Variants in RYR3 observed in about 807,000 individuals in gnomAD.
RYR3 encodes the protein brain ryanodine receptor-calcium release channel.
RYR3 carries 207 observed loss-of-function variants against 584.3 expected under a neutral mutation model. The observed-to-expected ratio is 0.35, with a 90% CI of 0.32 to 0.40. RYR3 has a LOEUF of 0.40. RYR3 is among the 10% of genes least tolerant of loss of function. The pLI is 1.00. For synonymous variants in RYR3, 2,416 were observed against 2,248.5 expected (o/e 1.07, Z -2.11); for missense variants, 5,616 against 6,089.2 (o/e 0.92, Z 2.59).
At chr15:33,663,454 CAG>C in intron 35 of RYR3, 81 bp from the exon 36 acceptor site, 2 of 1,172,588 alleles carry the variant, frequency 1.7e-6, no homozygotes, top group Non-Finnish European at 2.5e-6. Context: ...GTCTAAGTCT[CAG>C]TGCTACTGTC....
At chr15:33,650,572 C>T (rs2062407210) in intron 31 of RYR3, among the ~76,000 whole-genome samples, 1 of 152,054 alleles carries the variant, frequency 6.6e-6, no homozygotes. Context: ...AGGACAGTGC[C>T]TCAACTCAGG....
intron 94 of RYR3, 57 bp downstream of exon 94, chr15:33,848,478 G>C: frequency 1.3e-6 from 2 of 1,543,500 alleles, no homozygotes; most frequent in Non-Finnish European, 1.7e-6. Flanking sequence ...TGTAAATAGA[G>C]TAACTCTTTC....
intron 1 of RYR3, among the ~76,000 whole-genome samples, chr15:33,419,007 AAG>A (rs2044032397): frequency 6.6e-6 from 1 of 152,172 alleles, no homozygotes; most frequent in South Asian, 2.1e-4. Flanking sequence ...TGGGAGGACA[AAG>A]AGGTGTGGTA....
In RYR3 at chr15:33,450,798, C is replaced by T. The variant is rs139549898; in HGVS notation, c.52-22621C>T. 4.0e-4 allele frequency among the ~76,000 whole-genome samples: 61 copies of T among 152,204 alleles called. 1 individual carries two copies. In the East Asian group the frequency reaches 0.011, roughly 27 times the overall value. On this transcript the variant is annotated intron_variant, in intron 1 of 103. Coordinates refer to ENST00000634891, the MANE Select transcript of RYR3 (RefSeq NM_001036.6). ...AAAAGGGGAGCTTCTAAAACATGTGCGCAAACCACAGGAAACAGTGCAATC... is the reference window on the plus strand; with the variant it reads ...AAAAGGGGAGCTTCTAAAACATGTGTGCAAACCACAGGAAACAGTGCAATC...
chr15:33,749,608 T>G (rs1258847816), intron 55 of RYR3, among the ~76,000 whole-genome samples: 2 of 152,182 alleles, frequency 1.3e-5, no homozygotes, highest in Non-Finnish European at 2.9e-5. Flanking sequence ...GGTTCTAGAC[T>G]TTTCTTGGCC....
chr15:33,634,702 G>A lies in RYR3; in HGVS notation c.3144G>A (p.Gly1048=), dbSNP rs2291733. The A allele has an allele frequency of 1.2e-5, 19 of 1,613,828 alleles. No homozygotes were observed. The East Asian group carries it at 3.6e-4, about 30-fold the overall frequency. The part of the protein sequence containing the change: ...REAVRTFVGY[G]YNIEPSDQEL... ...CTGTGCGCACTTTTGTTGGTTACGG[G>A]TATAACATTGAGCCATCAGACCAAG... Residue 1048 remains glycine, a synonymous_variant, in exon 25 of 104, where the codon GGG becomes GGA. Coordinates refer to ENST00000634891, the MANE Select transcript of RYR3 (RefSeq NM_001036.6).
Position 33,724,284 on chromosome 15 carries a change from C to T in RYR3, c.6912+108C>T, listed in dbSNP as rs186300937. The T allele has an allele frequency of 3.1e-5, 20 of 654,052 alleles. No homozygotes were observed. In the African/African-American group the frequency reaches 3.5e-4, roughly 11 times the overall value. 40.5% of individuals were successfully genotyped at this position (654,052 alleles called of 1,614,324 possible). A position where few individuals can be genotyped will look rare whatever the true frequency, so the allele number is the denominator to read the frequency against. On this transcript the variant is annotated intron_variant, in intron 45 of 103. Coordinates refer to ENST00000634891, the MANE Select transcript of RYR3 (RefSeq NM_001036.6). ...CTGTCTCTGGCATTTGCTAACATGC[C>T]TTTTTCTAGGTCCCTTTTAGCTAGT...
intron 10 of RYR3, among the ~76,000 whole-genome samples, chr15:33,557,654 A>G (rs1479719698): frequency 1.3e-5 from 2 of 152,106 alleles, no homozygotes; most frequent in African/African-American, 4.8e-5. Flanking sequence ...AAGTGCTGGG[A>G]TTACAGGCAT....
chr15:33,572,928 C>G (rs951292723), intron 12 of RYR3, among the ~76,000 whole-genome samples: 68 of 152,188 alleles, frequency 4.5e-4, no homozygotes, highest in African/African-American at 1.6e-3. Context: ...GAGCCAAGAT[C>G]GTGCCGTTGC....
At chr15:33,635,219 A>G (rs192419368) in intron 25 of RYR3, among the ~76,000 whole-genome samples, 134 of 152,316 alleles carry the variant, frequency 8.8e-4, no homozygotes, top group African/African-American at 3.0e-3. Context: ...TAAGTCATTA[A>G]GGGGATGGTT....
chr15:33,857,845 C>A lies in RYR3; in HGVS notation c.14073C>A (p.Phe4691Leu), dbSNP rs2079855405. ...TCTATACTGTGGTGGCTTTCAACTT[C>A]TTCCGCAAGTTCTACAACAAAAGCG... ...VYLYTVVAFNFFRKFYNKSED... is the reference protein window; with the variant it reads ...VYLYTVVAFNLFRKFYNKSED... The change falls in exon 99 of 104, where the codon TTC becomes TTA. Residue 4691 changes from phenylalanine (F) to leucine (L), a missense_variant. Phe to Leu is a conservative substitution (Grantham distance 22). Around this residue, in one of 9 missense-constraint regions of RYR3, gnomAD observed 918 missense variants for 887.4 expected, o/e 1.03. Transcript: ENST00000634891. 4 of 1,614,192 alleles carry A rather than the reference C, an allele frequency of 2.5e-6. No individual in the cohort carries two copies. Among genetic ancestry groups the A allele is most frequent in the Non-Finnish European group, 3.4e-6 (4 of 1,180,036 alleles).
intron 1 of RYR3, among the ~76,000 whole-genome samples, chr15:33,359,166 C>G (rs1300807516): frequency 6.6e-6 from 1 of 152,164 alleles, no homozygotes; most frequent in Non-Finnish European, 1.5e-5. Context: ...CCCACTTCCA[C>G]CTCTTCTCTT....
chr15:33,848,826 CTTTTTT>C lies in RYR3; in HGVS notation c.13628+427_13628+432del, dbSNP rs769204969. Among the ~76,000 whole-genome samples, 523 of 75,198 alleles carry C rather than the reference CTTTTTT, an allele frequency of 7.0e-3. 1 individual carries two copies. The highest frequency in any genetic ancestry group is 0.03 in the African/African-American group (489 of 16,364). 49.3% of individuals were successfully genotyped at this position (75,198 alleles called of 152,430 possible). On this transcript the variant is annotated intron_variant, in intron 94 of 103. Coordinates refer to ENST00000634891, the MANE Select transcript of RYR3 (RefSeq NM_001036.6). ...CTATAACTGCCATCTCTGAAGTCCT[CTTTTTT>C]TTTTTTTTTTTTTTTTTTTTTGAGA... is the stretch of plus-strand genomic sequence containing the variant.
intron 49 of RYR3, among the ~76,000 whole-genome samples, chr15:33,737,565 C>T (rs1006519222): frequency 6.6e-6 from 1 of 152,196 alleles, no homozygotes; most frequent in Non-Finnish European, 1.5e-5. Flanking sequence ...TTAGTTCAAT[C>T]CCCTGTCTTC....
Position 33,662,962 on chromosome 15 carries a change from G to A in RYR3, c.5418+14G>A, listed in dbSNP as rs760642188. 6.2e-7 allele frequency: 1 copy of A among 1,604,744 alleles called. No individual in the cohort carries two copies. Among genetic ancestry groups the A allele is most frequent in the East Asian group, 2.2e-5 (1 of 44,814 alleles). ...GTCAAGCTGCAGGTAAGCTGCAGGT[G>A]GTTAAGTGGAGGCAGGTTAATAGAT... On this transcript the variant is annotated intron_variant, in intron 35 of 103. Transcript: ENST00000634891.
chr15:33,792,061 A>G lies in RYR3; in HGVS notation c.9830+3603A>G, dbSNP rs117580560. ...GAAGAAATCAACAGACTGAAAGGCCATGGAGCTGGAAAATCATAAACACAT... is the reference window on the plus strand; with the variant it reads ...GAAGAAATCAACAGACTGAAAGGCCGTGGAGCTGGAAAATCATAAACACAT... On this transcript the variant is annotated intron_variant, in intron 67 of 103. Coordinates refer to ENST00000634891, the MANE Select transcript of RYR3 (RefSeq NM_001036.6). Among the ~76,000 whole-genome samples, 1,477 of 152,310 alleles carry G rather than the reference A, an allele frequency of 9.7e-3. 40 individuals are homozygous for G. Among genetic ancestry groups the G allele is most frequent in the Admixed American group, 0.061 (930 of 15,296 alleles).
chr15:33,552,151 G>T (rs1237652126), intron 10 of RYR3, among the ~76,000 whole-genome samples: 1 of 152,120 alleles, frequency 6.6e-6, no homozygotes, highest in African/African-American at 2.4e-5. Flanking sequence ...ACAGGATCAG[G>T]CGGCCTTCCA....
intron 2 of RYR3, among the ~76,000 whole-genome samples, chr15:33,474,613 C>T (rs185387056): frequency 3.3e-5 from 5 of 152,334 alleles, no homozygotes; most frequent in East Asian, 3.9e-4. Flanking sequence ...GGCTGAATAA[C>T]GGCACTATGG....
At chr15:33,693,065 T>C (rs1192390752) in intron 38 of RYR3, among the ~76,000 whole-genome samples, 3 of 152,228 alleles carry the variant, frequency 2.0e-5, no homozygotes, top group Non-Finnish European at 1.5e-5. Flanking sequence ...AATTGTTTTG[T>C]TAGTCGTGAG....
Sources: allele counts gnomAD v4.1 joint callset (sites outside exome capture counted in the v4.1 genomes callset), GRCh38; gene constraint gnomAD v4.1.1; regional missense constraint gnomAD v4.1.1; transcripts MANE v1.5; gene names NCBI Gene and HGNC (gene_info 2026-07-23, HGNC 2026-07-21).